The following PRDM16 variants were observed in gnomAD, a reference collection of about 807,000 sequenced individuals.
PRDM16 encodes the protein PR/SET domain 16, also known as histone-lysine N-methyltransferase PRDM16.
In PRDM16, 23 loss-of-function variants were observed where a neutral mutation model predicts 110.6. The ratio of observed to expected loss-of-function variants is 0.21; its 90% confidence interval spans 0.15 to 0.29. The LOEUF (loss-of-function observed/expected upper bound fraction) is 0.29, where lower values mean the gene tolerates loss of function less well. Among genes scored for constraint, PRDM16 ranks in the 10% least tolerant of loss-of-function variants. PRDM16 has a pLI of 1.00. For missense variants in PRDM16, 1,615 were observed against 1,794.3 expected, an observed-to-expected ratio of 0.90 and a Z score of 1.81; for synonymous variants, 799 against 781.8, an observed-to-expected ratio of 1.02 and a Z score of -0.37.
intron 3 of PRDM16, among the ~76,000 whole-genome samples, chr1:3,321,620 C>T (rs1641750664): frequency 8.4e-6 from 1 of 119,012 alleles, no homozygotes; most frequent in Admixed American, 8.4e-5. Flanking sequence ...TATGTGAGGC[C>T]ACACATATGT....
chr1:3,181,675 C>CAT (rs1644197449), intron 1 of PRDM16, among the ~76,000 whole-genome samples: 3 of 140,532 alleles, frequency 2.1e-5, no homozygotes, highest in East Asian at 4.7e-4. Flanking sequence ...CAGTCTTACA[C>CAT]GCGCAGTCTT....
intron 2 of PRDM16, among the ~76,000 whole-genome samples, chr1:3,192,602 T>A (rs141096860): frequency 3.3e-5 from 5 of 152,116 alleles, no homozygotes; most frequent in Admixed American, 1.3e-4. Context: ...GGAGCTGGAC[T>A]TAGACCCCTC....
intron 1 of PRDM16, among the ~76,000 whole-genome samples, chr1:3,090,381 T>C (rs1642248375): frequency 6.6e-6 from 1 of 152,238 alleles, no homozygotes. Flanking sequence ...CACATGGCCC[T>C]GAGGCTGGGT....
At chr1:3,198,770 G>A (rs543906091) in intron 2 of PRDM16, among the ~76,000 whole-genome samples, 10 of 152,304 alleles carry the variant, frequency 6.6e-5, no homozygotes, top group East Asian at 1.9e-4. Context: ...TCTGGCTTTC[G>A]GCGGAGTCGG....
intron 1 of PRDM16, among the ~76,000 whole-genome samples, chr1:3,076,578 C>A (rs532389037): frequency 1.3e-5 from 2 of 152,294 alleles, no homozygotes; most frequent in Admixed American, 1.3e-4. Context: ...GAGCCTGGGG[C>A]TTCTCCGAGG....
At chr1:3,373,627 TC>T (rs1351638579) in intron 3 of PRDM16, among the ~76,000 whole-genome samples, 1 of 152,118 alleles carries the variant, frequency 6.6e-6, no homozygotes, top group Non-Finnish European at 1.5e-5. Context: ...CTGGGGTCCC[TC>T]CCTGCAGGCA....
intron 3 of PRDM16, among the ~76,000 whole-genome samples, chr1:3,337,724 G>T (rs2100505083): frequency 6.6e-6 from 1 of 152,322 alleles, no homozygotes; most frequent in South Asian, 2.1e-4. Flanking sequence ...TTTCCATTTG[G>T]TCTCTCTGGT....
chr1:3,270,532 G>T (rs1223417493), intron 3 of PRDM16, among the ~76,000 whole-genome samples: 3 of 151,030 alleles, frequency 2.0e-5, no homozygotes, highest in Non-Finnish European at 2.9e-5. Context: ...TCAGGCGGAA[G>T]ACAGTCCTGG....
intron 3 of PRDM16, among the ~76,000 whole-genome samples, chr1:3,312,701 CA>C (rs1262070510): frequency 1.3e-5 from 2 of 152,250 alleles, no homozygotes; most frequent in Non-Finnish European, 2.9e-5. Flanking sequence ...GAAACTTACA[CA>C]AATACTCCGC....
chr1:3,314,975 G>A (rs1048614196), intron 3 of PRDM16, among the ~76,000 whole-genome samples: 14 of 152,046 alleles, frequency 9.2e-5, no homozygotes, highest in Admixed American at 1.3e-4. Flanking sequence ...AGCCATATCC[G>A]GGGAAAGATG....
chr1:3,396,131 A>G (rs931286308), intron 4 of PRDM16, among the ~76,000 whole-genome samples: 2 of 151,834 alleles, frequency 1.3e-5, no homozygotes, highest in African/African-American at 4.8e-5. Context: ...TCTCACTTAC[A>G]TACACAAAAT....
At chr1:3,372,363 T>C (rs1437958295) in intron 3 of PRDM16, among the ~76,000 whole-genome samples, 1 of 152,266 alleles carries the variant, frequency 6.6e-6, no homozygotes, top group African/African-American at 2.4e-5. Context: ...CAGCCCATCA[T>C]GAAGAATTCC....
intron 2 of PRDM16, among the ~76,000 whole-genome samples, chr1:3,215,437 G>C (rs902610673): frequency 3.0e-5 from 4 of 131,242 alleles, no homozygotes; most frequent in Admixed American, 2.2e-4. Flanking sequence ...TGGGGTCCAG[G>C]AGAACAGAGC....
intron 3 of PRDM16, among the ~76,000 whole-genome samples, chr1:3,277,756 T>C (rs145849315): frequency 3.3e-5 from 4 of 122,668 alleles, no homozygotes; most frequent in Admixed American, 8.2e-5. Context: ...CGCACACACA[T>C]GCACACACGC....
chr1:3,072,654 C>T (rs1285156144), intron 1 of PRDM16, among the ~76,000 whole-genome samples: 1 of 152,180 alleles, frequency 6.6e-6, no homozygotes, highest in East Asian at 1.9e-4. Context: ...CCTTCTCCCA[C>T]CCTCCCTGGG....
At chr1:3,111,631 C>G (rs867004312) in intron 1 of PRDM16, among the ~76,000 whole-genome samples, 17 of 152,082 alleles carry the variant, frequency 1.1e-4, no homozygotes, top group Admixed American at 2.6e-4. Flanking sequence ...GGAAAGGAGG[C>G]GCAGGTCAGG....
chr1:3,417,254 T>C (rs553910236), intron 10 of PRDM16, among the ~76,000 whole-genome samples: 1 of 152,272 alleles, frequency 6.6e-6, no homozygotes, highest in East Asian at 1.9e-4. Flanking sequence ...AAAGAGGCTG[T>C]TGAATTCCTT....
In PRDM16 at chr1:3,431,231, C is replaced by T. The variant is rs1047440483; in HGVS notation, c.3521+123C>T. ...TGGCTCAGCCCCTACTCCAGCACAG[C>T]CACCTCAGGGCCTCCACACACAGGC... On this transcript the variant is annotated intron_variant, in intron 15 of 16. Coordinates refer to ENST00000270722, the MANE Select transcript of PRDM16 (RefSeq NM_022114.4). 9 of 1,426,932 alleles carry T rather than the reference C, an allele frequency of 6.3e-6. No individual in the cohort carries two copies. In the African/African-American group the frequency reaches 7.1e-5, roughly 11 times the overall value. 88.4% of individuals were successfully genotyped at this position (1,426,932 alleles called of 1,614,324 possible). A position where few individuals can be genotyped will look rare whatever the true frequency, so the allele number is the denominator to read the frequency against.
chr1:3,279,883 C>A (rs183142905), intron 3 of PRDM16, among the ~76,000 whole-genome samples: 1 of 132,332 alleles, frequency 7.6e-6, no homozygotes, highest in African/African-American at 2.8e-5. Context: ...CCACCCCCCC[C>A]GGGCACCCAC....
Sources: allele counts gnomAD v4.1 joint callset (sites outside exome capture counted in the v4.1 genomes callset), GRCh38; gene constraint gnomAD v4.1.1; transcripts MANE v1.5; gene names NCBI Gene and HGNC (gene_info 2026-07-23, HGNC 2026-07-21).